Variants in ARHGEF40 observed in about 807,000 individuals in gnomAD.
The protein encoded by ARHGEF40 is Rho guanine nucleotide exchange factor (GEF) 40.
ARHGEF40 carries 98 observed loss-of-function variants against 165.9 expected under a neutral mutation model. That is an observed-to-expected ratio of 0.59 (90% confidence interval 0.50 to 0.70). The LOEUF is 0.70. Among genes scored for constraint, ARHGEF40 ranks in the 30% least tolerant of loss-of-function variants. The pLI, the probability that ARHGEF40 is intolerant of heterozygous loss-of-function variation, is 0.00. For missense variants in ARHGEF40, 1,815 were observed against 1,968.0 expected (o/e 0.92, Z 1.47); for synonymous variants, 792 against 814.3 (o/e 0.97, Z 0.47).
chr14:21,061,762 A>G, the ARHGEF40 span, among the ~76,000 whole-genome samples: 1 of 152,258 alleles, frequency 6.6e-6, no homozygotes, highest in Admixed American at 6.5e-5. Flanking sequence ...AGGAATTTGT[A>G]TTAGGCTTGT....
Position 21,087,125 on chromosome 14 carries a change from G to C in ARHGEF40, c.4243+20G>C. On this transcript the variant is annotated intron_variant, in intron 20 of 23. Transcript: ENST00000298694. ...GAAGAGGTGAGGGCCAGGGTGCTGG[G>C]GGGTGGCCCCCAGGAGTGAAGACCT... 6.2e-7 allele frequency: 1 copy of C among 1,606,586 alleles called. No homozygotes were observed. The highest frequency in any genetic ancestry group is 8.5e-7 in the Non-Finnish European group (1 of 1,175,952).
chr14:21,088,102 A>G lies in ARHGEF40; in HGVS notation c.4518+4A>G. On this transcript the variant is annotated splice_donor_region_variant and intron_variant, in intron 22 of 23. Coordinates refer to ENST00000298694, the MANE Select transcript of ARHGEF40 (RefSeq NM_018071.5). ...GATCTTAGGGCTATCCCGACAGGTA[A>G]GTTCCTACAACGAGGCTGGGAACAA... 1 of 1,605,108 alleles carries G rather than the reference A, an allele frequency of 6.2e-7. No individual in the cohort carries two copies. The highest frequency in any genetic ancestry group is 1.7e-5 in the Admixed American group (1 of 58,186).
At chr14:21,076,115 T>C (rs1243473) in intron 5 of ARHGEF40, among the ~76,000 whole-genome samples, 117,000 of 152,136 alleles carry the variant, frequency 0.77, 45,495 homozygotes, top group East Asian at 0.97. Flanking sequence ...GAATTCTTAA[T>C]TTTCCAGACC....
At chr14:21,062,059 G>C in the ARHGEF40 span, among the ~76,000 whole-genome samples, 1 of 152,142 alleles carries the variant, frequency 6.6e-6, no homozygotes, top group Non-Finnish European at 1.5e-5. Context: ...ATTCTTTAAA[G>C]TGATTATTAG....
chr14:21,069,259 G>A (rs1011345822), upstream of ARHGEF40, among the ~76,000 whole-genome samples: 12 of 152,148 alleles, frequency 7.9e-5, no homozygotes, highest in Non-Finnish European at 1.5e-5. Flanking sequence ...GGGGACGCTC[G>A]GGGTTTGATG....
At position 21,072,780 on chromosome 14, in the gene ARHGEF40, G is replaced by A. The variant is rs1031743889; in HGVS notation, c.4-265G>A. On this transcript the variant is annotated intron_variant, in intron 1 of 23. Transcript: ENST00000298694. The surrounding 1 kb of genome is among the most constrained non-coding windows in gnomAD (Gnocchi z 4.1). ...CGAGCACCCGGAACAGCCCTGATCA[G>A]GGGCATTCACAACAAATTCTCCCTG... Among the ~76,000 whole-genome samples the A allele has an allele frequency of 1.4e-4, 21 of 152,166 alleles. No individual in the cohort carries two copies. Among genetic ancestry groups the A allele is most frequent in the Non-Finnish European group, 2.4e-4 (16 of 68,040 alleles).
At chr14:21,079,599 G>A (rs991171231) in intron 11 of ARHGEF40, among the ~76,000 whole-genome samples, 1 of 152,134 alleles carries the variant, frequency 6.6e-6, no homozygotes, top group African/African-American at 2.4e-5. Context: ...CTACCATGTG[G>A]GGTAGAGGGG....
chr14:21,081,618 G>A lies in ARHGEF40; in HGVS notation c.2750G>A (p.Gly917Asp). Residue 917 changes from glycine to aspartate, a missense_variant, in exon 14 of 24, where the codon GGC (glycine) becomes GAC (aspartate). Physicochemically the swap from Gly to Asp is moderately conservative, Grantham distance 94 (BLOSUM62 -1). Coordinates refer to ENST00000298694, the MANE Select transcript of ARHGEF40 (RefSeq NM_018071.5). ...ALRRAPEPSA[G>D]TFQEMRALAL... ...CGGCGGGCCCCAGAGCCCAGTGCCG[G>A]CACCTTCCAGGAGATGCGGGCCCTG... The A allele has an allele frequency of 1.2e-6, 2 of 1,610,536 alleles. No homozygotes were observed. The highest frequency in any genetic ancestry group is 1.7e-6 in the Non-Finnish European group (2 of 1,179,016).
the ARHGEF40 span, among the ~76,000 whole-genome samples, chr14:21,063,200 T>C: frequency 6.6e-6 from 1 of 151,684 alleles, no homozygotes; most frequent in African/African-American, 2.4e-5. Context: ...TTAGAGTGCC[T>C]GCCTAAAAGT....
chr14:21,073,916 C>T lies in ARHGEF40; in HGVS notation c.202-16C>T. 2 of 1,581,546 alleles carry T rather than the reference C, an allele frequency of 1.3e-6. No individual in the cohort carries two copies. Among genetic ancestry groups the T allele is most frequent in the Non-Finnish European group, 1.7e-6 (2 of 1,168,398 alleles). ...TCAGCAGAGGCCTGAGTGCAGCCTC[C>T]CACCTCTCTCCCCAGGCCCAATACA... On this transcript the variant is annotated splice_polypyrimidine_tract_variant and intron_variant, in intron 2 of 23. Coordinates refer to ENST00000298694, the MANE Select transcript of ARHGEF40 (RefSeq NM_018071.5). The surrounding 1 kb of genome is among the most constrained non-coding windows in gnomAD (Gnocchi z 4.6).
the ARHGEF40 span, among the ~76,000 whole-genome samples, chr14:21,062,237 C>T: frequency 2.0e-5 from 3 of 152,286 alleles, no homozygotes; most frequent in African/African-American, 7.2e-5. Flanking sequence ...GATTCATGTT[C>T]TATGATATTT....
rs1445567595 is a variant in ARHGEF40, at chr14:21,075,919, A to G, written c.1739+154A>G. On this transcript the variant is annotated intron_variant, in intron 5 of 23. Transcript: ENST00000298694. The surrounding 1 kb of genome is among the most constrained non-coding windows in gnomAD (Gnocchi z 4.5). Reference sequence around the variant, plus strand: ...AAGCCATTGACCTTTGGCCTTACTTACCCTGACCTCCAGCTTCATATCTTC... The same window carrying G: ...AAGCCATTGACCTTTGGCCTTACTTGCCCTGACCTCCAGCTTCATATCTTC... Among the ~76,000 whole-genome samples the G allele has an allele frequency of 6.6e-6, 1 of 152,040 alleles. No homozygotes were observed. Among genetic ancestry groups the G allele is most frequent in the Non-Finnish European group, 1.5e-5 (1 of 68,002 alleles).
the ARHGEF40 span, among the ~76,000 whole-genome samples, chr14:21,062,807 T>A: frequency 6.6e-6 from 1 of 150,388 alleles, no homozygotes; most frequent in Admixed American, 6.6e-5. Context: ...AGTGGTGCGA[T>A]CTCAGCTCAC....
intron 19 of ARHGEF40, 124 bp from the exon 20 acceptor site, chr14:21,086,877 G>A (rs1205673601): frequency 4.1e-6 from 3 of 730,888 alleles, no homozygotes; most frequent in Non-Finnish European, 6.7e-6. Context: ...TCAGAGGAAT[G>A]AAAGGGAGGA....
upstream of ARHGEF40, chr14:21,070,202 G>A: frequency 3.0e-6 from 1 of 338,452 alleles, no homozygotes; most frequent in Non-Finnish European, 4.8e-6. The surrounding 1 kb of genome is among the most constrained non-coding windows in gnomAD (Gnocchi z 4.7). Flanking sequence ...CTGAAGGGCG[G>A]GGCGGGGAGG....
chr14:21,081,200 C>A, intron 13 of ARHGEF40, 184 bp downstream of exon 13: 1 of 989,920 alleles, frequency 1.0e-6, no homozygotes, highest in Non-Finnish European at 1.4e-6. Context: ...CTGACTGTGC[C>A]TCCATAGATC....
At chr14:21,085,041 G>C in intron 18 of ARHGEF40, 118 bp downstream of exon 18, 1 of 1,308,866 alleles carries the variant, frequency 7.6e-7, no homozygotes, top group Non-Finnish European at 1.1e-6. Context: ...TCTAGAATAG[G>C]CTTTGGCTTG....
In ARHGEF40 at chr14:21,072,461, C is replaced by T. The variant is rs987918090; in HGVS notation, c.4-584C>T. Among the ~76,000 whole-genome samples the T allele has an allele frequency of 6.6e-6, 1 of 152,188 alleles. No individual in the cohort carries two copies. Among genetic ancestry groups the T allele is most frequent in the Non-Finnish European group, 1.5e-5 (1 of 68,028 alleles). On this transcript the variant is annotated intron_variant, in intron 1 of 23. Transcript: ENST00000298694. The surrounding 1 kb of genome is among the most constrained non-coding windows in gnomAD (Gnocchi z 4.1). Reference sequence around the variant, plus strand: ...AGAGGGATGCTAGAAAGACCCAAGACAGTCACAGACAGTCTTTCCATCCTC... The same window carrying T: ...AGAGGGATGCTAGAAAGACCCAAGATAGTCACAGACAGTCTTTCCATCCTC...
At position 21,088,011 on chromosome 14, in the gene ARHGEF40, A is replaced by G; in HGVS notation, c.4431A>G (p.Pro1477=). ...CTTCTGGAGATGTGTCCCCAGGACCAAGAAACAGCCCCAGCCTGCAACCCC... is the reference window on the plus strand; with the variant it reads ...CTTCTGGAGATGTGTCCCCAGGACCGAGAAACAGCCCCAGCCTGCAACCCC... ...LDSSGDVSPG[P]RNSPSLQPPH... is the part of the protein sequence containing the mutation. The change falls in exon 22 of 24, where the codon CCA becomes CCG. Residue 1477 remains proline, a synonymous_variant. Coordinates refer to ENST00000298694, the MANE Select transcript of ARHGEF40 (RefSeq NM_018071.5). 6.2e-7 allele frequency: 1 copy of G among 1,614,128 alleles called. No homozygotes were observed. Among genetic ancestry groups the G allele is most frequent in the Non-Finnish European group, 8.5e-7 (1 of 1,180,014 alleles).
Sources: allele counts gnomAD v4.1 joint callset (sites outside exome capture counted in the v4.1 genomes callset), GRCh38; gene constraint gnomAD v4.1.1; non-coding constraint Gnocchi (gnomAD v3.1); transcripts MANE v1.5; gene names NCBI Gene and HGNC (gene_info 2026-07-23, HGNC 2026-07-21).